ATE1: variants seen among roughly 807,000 people sequenced by gnomAD.
ATE1 encodes the protein arginyltransferase 1.
ATE1 carries 36 observed loss-of-function variants against 70.5 expected under a neutral mutation model. The observed-to-expected ratio is 0.51, with a 90% CI of 0.39 to 0.67. ATE1 has a LOEUF of 0.67. Ranked by LOEUF, ATE1 falls within the 30% of genes least tolerant of loss-of-function variation. The pLI, the probability that ATE1 is intolerant of heterozygous loss-of-function variation, is 0.00. For synonymous variants in ATE1, 232 were observed against 219.3 expected (o/e 1.06, Z -0.51); for missense variants, 593 against 629.5 (o/e 0.94, Z 0.62).
At chr10:121,914,352 AC>A (rs1244338547) in intron 3 of ATE1, among the ~76,000 whole-genome samples, 3 of 150,132 alleles carry the variant, frequency 2.0e-5, no homozygotes, top group Non-Finnish European at 4.4e-5. Flanking sequence ...TGCATGAGCC[AC>A]CATTCCCAGC....
chr10:121,781,858 A>G (rs1035916427), intron 11 of ATE1, among the ~76,000 whole-genome samples: 1 of 152,226 alleles, frequency 6.6e-6, no homozygotes, highest in East Asian at 1.9e-4. Context: ...TCTTTGAATG[A>G]TATCTATTTC....
chr10:121,892,501 T>C (rs1211806573), intron 7 of ATE1, among the ~76,000 whole-genome samples: 1 of 66,292 alleles, frequency 1.5e-5, no homozygotes, highest in Non-Finnish European at 3.6e-5. Flanking sequence ...TGACAAAACT[T>C]TTTTTTTTTT....
At chr10:121,912,732 C>G (rs1951491755) in intron 4 of ATE1, among the ~76,000 whole-genome samples, 1 of 151,570 alleles carries the variant, frequency 6.6e-6, no homozygotes, top group African/African-American at 2.4e-5. Context: ...TTTTCTAACT[C>G]AGAACCTAAT....
In ATE1 at chr10:121,867,000, A is replaced by C. The variant is rs149986812; in HGVS notation, c.975+3006T>G. On this transcript the variant is annotated intron_variant, in intron 8 of 11. Transcript: ENST00000224652. ...TTAAGTAGGTACAGTCTAACTGGGA[A>C]GACAGACTGTTAACTACATTAAAAT... is the stretch of plus-strand genomic sequence containing the variant. 5.6e-3 allele frequency among the ~76,000 whole-genome samples: 860 copies of C among 152,302 alleles called. 9 individuals carry two copies. The highest frequency in any genetic ancestry group is 0.02 in the African/African-American group (824 of 41,564).
chr10:121,796,050 T>C (rs1176442176), intron 10 of ATE1, among the ~76,000 whole-genome samples: 1 of 152,200 alleles, frequency 6.6e-6, no homozygotes, highest in Non-Finnish European at 1.5e-5. Flanking sequence ...ACAGATTTTC[T>C]AAGTACTCAA....
chr10:121,858,703 A>G (rs11200195), intron 8 of ATE1, among the ~76,000 whole-genome samples: 2 of 83,488 alleles, frequency 2.4e-5, no homozygotes, highest in East Asian at 5.3e-4. Context: ...TATTTTTTTA[A>G]TATATTATAT....
chr10:121,759,335 AAGGCTG>A (rs1944937260), intron 11 of ATE1, among the ~76,000 whole-genome samples: 1 of 152,200 alleles, frequency 6.6e-6, no homozygotes, highest in South Asian at 2.1e-4. Context: ...CAATTCTCTA[AAGGCTG>A]AGAGGTAAGG....
chr10:121,914,818 G>A (rs1169842526), intron 3 of ATE1, among the ~76,000 whole-genome samples: 2 of 152,162 alleles, frequency 1.3e-5, no homozygotes, highest in Admixed American at 6.6e-5. Flanking sequence ...AAATAAAAGT[G>A]TACACAGTAC....
At chr10:121,833,056 G>A (rs1948305789) in intron 10 of ATE1, among the ~76,000 whole-genome samples, 1 of 152,136 alleles carries the variant, frequency 6.6e-6, no homozygotes, top group African/African-American at 2.4e-5. Context: ...ATAACAACCT[G>A]TCTAATTTCT....
chr10:121,831,760 T>C (rs993054026), intron 10 of ATE1, among the ~76,000 whole-genome samples: 17 of 152,200 alleles, frequency 1.1e-4, no homozygotes, highest in African/African-American at 4.1e-4. Context: ...CATGTCAGCT[T>C]TACTTTATTT....
chr10:121,876,265 G>C (rs1950045190), intron 7 of ATE1, among the ~76,000 whole-genome samples: 2 of 152,196 alleles, frequency 1.3e-5, no homozygotes, highest in Non-Finnish European at 2.9e-5. Flanking sequence ...AATATGCAGA[G>C]CTAGTTATAA....
At position 121,743,641 on chromosome 10, in the gene ATE1, TC is replaced by T; in HGVS notation, c.*38del. ...TGAATATGTATCCTGGCACAAATCATCAGCACAACACAGGAACTTCCCGGCA... is the reference window on the plus strand; with the variant it reads ...TGAATATGTATCCTGGCACAAATCATAGCACAACACAGGAACTTCCCGGCA... On this transcript the variant is annotated 3_prime_UTR_variant, in exon 12 of 12. Coordinates refer to ENST00000224652, the MANE Select transcript of ATE1 (RefSeq NM_001001976.3). 1 of 1,537,832 alleles carries T rather than the reference TC, an allele frequency of 6.5e-7. No individual in the cohort carries two copies. Among genetic ancestry groups the T allele is most frequent in the South Asian group, 1.3e-5 (1 of 78,602 alleles).
chr10:121,900,042 C>A, intron 6 of ATE1, 48 bp from the exon 7 acceptor site: 1 of 1,601,454 alleles, frequency 6.2e-7, no homozygotes, highest in South Asian at 1.1e-5. Context: ...TTCATTTATT[C>A]ATTCTGTGGA....
chr10:121,869,991 G>C lies in ATE1; in HGVS notation c.975+15C>G, dbSNP rs566546573. ...ATTACCAATTCTAATATTAAGGTCA[G>C]TGAGTAACTCTTACCTCCAAGGGTG... On this transcript the variant is annotated intron_variant, in intron 8 of 11. Transcript: ENST00000224652. 8.1e-6 allele frequency: 13 copies of C among 1,596,268 alleles called. No homozygotes were observed. The South Asian group carries it at 1.1e-4, about 14-fold the overall frequency.
At chr10:121,762,484 A>G (rs1945083989) in intron 11 of ATE1, among the ~76,000 whole-genome samples, 1 of 152,148 alleles carries the variant, frequency 6.6e-6, no homozygotes, top group Non-Finnish European at 1.5e-5. Flanking sequence ...AAAAAAATGC[A>G]TCTCCTGCCA....
chr10:121,889,336 G>GT (rs1950507922), intron 7 of ATE1, among the ~76,000 whole-genome samples: 1 of 151,890 alleles, frequency 6.6e-6, no homozygotes, highest in Admixed American at 6.6e-5. Context: ...AAACCGAACT[G>GT]TGATACGGAA....
intron 10 of ATE1, among the ~76,000 whole-genome samples, chr10:121,792,218 T>C (rs1036721219): frequency 6.6e-6 from 1 of 151,416 alleles, no homozygotes; most frequent in Admixed American, 6.6e-5. Context: ...AGACACAGAG[T>C]TGGGCCAAGT....
chr10:121,928,292 G>A, upstream of ATE1: 3 of 1,492,670 alleles, frequency 2.0e-6, no homozygotes, highest in Non-Finnish European at 2.7e-6. Flanking sequence ...TTCCCCCGCC[G>A]AGGGCCTGTG....
chr10:121,886,595 T>C (rs1950407892), intron 7 of ATE1, among the ~76,000 whole-genome samples: 1 of 152,234 alleles, frequency 6.6e-6, no homozygotes, highest in African/African-American at 2.4e-5. Flanking sequence ...AATAATATCT[T>C]ACTTATTTTT....
Sources: allele counts gnomAD v4.1 joint callset (sites outside exome capture counted in the v4.1 genomes callset), GRCh38; gene constraint gnomAD v4.1.1; transcripts MANE v1.5; gene names NCBI Gene and HGNC (gene_info 2026-07-23, HGNC 2026-07-21).